Variants in HCFC1 observed in about 807,000 individuals in gnomAD.
The protein encoded by HCFC1 is host cell factor C1.
A neutral mutation model predicts 105.5 loss-of-function variants in HCFC1; 7 were observed. That is an observed-to-expected ratio of 0.07 (90% confidence interval 0.04 to 0.12). HCFC1 has a LOEUF of 0.12. Among genes scored for constraint, HCFC1 ranks in the 10% least tolerant of loss-of-function variants. HCFC1 has a pLI of 1.00. For synonymous variants in HCFC1, 918 were observed against 828.1 expected (o/e 1.11, Z -1.86); for missense variants, 1,065 against 1,823.6 (o/e 0.58, Z 7.58).
chrX:153,951,952 G>A lies in HCFC1; in HGVS notation c.5149C>T (p.Leu1717=). 8.4e-7 allele frequency: 1 copy of A among 1,186,615 alleles called. No individual in the cohort carries two copies. Among genetic ancestry groups the A allele is most frequent in the East Asian group, 3.0e-5 (1 of 33,562 alleles). Residue 1717 remains leucine, a synonymous_variant, in exon 20 of 26, where the codon CTG becomes TTG. Transcript: ENST00000310441. ...QQHHHLPTEA[L]APADSLNDPA... ...TCGTTGAGACTGTCGGCAGGGGCCA[G>A]GGCCTCAGTGGGGAGGTGGTGATGC...
chrX:153,964,903 C>T (rs1557117970), intron 1 of HCFC1, among the ~76,000 whole-genome samples, 177 bp from the exon 2 acceptor site: 1 of 112,256 alleles, frequency 8.9e-6, no homozygotes, highest in African/African-American at 3.2e-5. Context: ...CGACTTCAGG[C>T]CAGTGCAAAA....
Position 153,959,784 on chromosome X carries a change from C to T in HCFC1, c.1444+18G>A, listed in dbSNP as rs782651337. ...GGCTAGCCCCCTACTTTCAAACGTC[C>T]CTGGTCCCCTGGCTCACCTTGAGTC... On this transcript the variant is annotated intron_variant, in intron 8 of 25. Transcript: ENST00000310441. 18 of 1,153,355 alleles carry T rather than the reference C, an allele frequency of 1.6e-5. No individual in the cohort carries two copies. Among genetic ancestry groups the T allele is most frequent in the African/African-American group, 3.6e-5 (2 of 55,322 alleles).
intron 22 of HCFC1, 31 bp downstream of exon 22, chrX:153,951,319 C>A: frequency 8.3e-7 from 1 of 1,207,800 alleles, no homozygotes; most frequent in South Asian, 1.8e-5. Flanking sequence ...GACCCACCCA[C>A]CTGAGGACAT....
intron 19 of HCFC1, 95 bp from the exon 20 acceptor site, chrX:153,952,253 C>A: frequency 9.3e-7 from 1 of 1,071,475 alleles, no homozygotes; most frequent in Non-Finnish European, 1.2e-6. Flanking sequence ...CTAGAGACCC[C>A]GTCCACCTCC....
chrX:153,962,866 A>C (rs782329694), intron 4 of HCFC1, among the ~76,000 whole-genome samples: 9 of 111,986 alleles, frequency 8.0e-5, no homozygotes, highest in Non-Finnish European at 1.7e-4. Context: ...CAATGGTACC[A>C]CAGCAGTCAG....
At chrX:153,962,167 G>A (rs980761697) in intron 5 of HCFC1, 55 bp downstream of exon 5, 55 of 955,298 alleles carry the variant, frequency 5.8e-5, no homozygotes, top group Middle Eastern at 5.2e-4. Flanking sequence ...AGAGCCCTTC[G>A]GGGGAGGGGC....
In HCFC1 at chrX:153,970,924, A is replaced by G; in HGVS notation, c.-84T>C. On this transcript the variant is annotated 5_prime_UTR_variant, in exon 1 of 26. Transcript: ENST00000310441. ...TCCTTTCACACACCCCCTTTCGTCTAAGGCAGCTCTCACGGAGAAGCGGTT... is the reference window on the plus strand; with the variant it reads ...TCCTTTCACACACCCCCTTTCGTCTGAGGCAGCTCTCACGGAGAAGCGGTT... The G allele has an allele frequency of 3.6e-6, 3 of 837,520 alleles. No individual in the cohort carries two copies. The highest frequency in any genetic ancestry group is 4.9e-6 in the Non-Finnish European group (3 of 609,150). 69.0% of individuals were successfully genotyped at this position (837,520 alleles called of 1,213,427 possible). A position where few individuals can be genotyped will look rare whatever the true frequency, so the allele number is the denominator to read the frequency against.
In HCFC1 at chrX:153,952,818, G is replaced by C; in HGVS notation, c.4638C>G (p.Ala1546=). ...GCTCCCCTGTGCTGCTCAGATCCAC[G>C]GCGGCCGGGAGCTCAGGGGTCTGGG... The part of the protein sequence containing the change: ...SASQTPELPA[A]VDLSSTGEPS... Residue 1546 remains alanine (A), a synonymous_variant, in exon 19 of 26, where the codon GCC becomes GCG. Coordinates refer to ENST00000310441, the MANE Select transcript of HCFC1 (RefSeq NM_005334.3). The C allele has an allele frequency of 8.3e-7, 1 of 1,198,151 alleles. No homozygotes were observed. Among genetic ancestry groups the C allele is most frequent in the Non-Finnish European group, 1.1e-6 (1 of 888,685 alleles).
chrX:153,959,670 C>G (rs2065410737), intron 8 of HCFC1, 132 bp downstream of exon 8: 2 of 985,360 alleles, frequency 2.0e-6, no homozygotes, highest in Non-Finnish European at 2.8e-6. Flanking sequence ...CCCTACAACC[C>G]TTGGAGACAA....
chrX:153,967,349 GC>G (rs1281384393), intron 1 of HCFC1, among the ~76,000 whole-genome samples: 3 of 111,676 alleles, frequency 2.7e-5, no homozygotes, highest in Non-Finnish European at 5.7e-5. Flanking sequence ...GCAAGGCTGT[GC>G]CCCGGCCTCT....
chrX:153,955,129 G>A lies in HCFC1; in HGVS notation c.3270C>T (p.Thr1090=), dbSNP rs782332238. The change falls in exon 17 of 26, where the codon ACC becomes ACT. Residue 1090 remains threonine, a synonymous_variant. Coordinates refer to ENST00000310441, the MANE Select transcript of HCFC1 (RefSeq NM_005334.3). ...CETHETGTTN[T]ATTATSNMAG... ...CCATGTTGGAGGTGGCGGTGGTGGC[G>A]GTGTTGGTGGTGCCCGTCTCGTGGG... The A allele has an allele frequency of 1.2e-5, 14 of 1,206,798 alleles. No homozygotes were observed. Among genetic ancestry groups the A allele is most frequent in the Admixed American group, 6.6e-5 (3 of 45,551 alleles).
Position 153,953,596 on chromosome X carries a change from T to C in HCFC1, c.4497+11A>G. 8.3e-7 allele frequency: 1 copy of C among 1,204,694 alleles called. No individual in the cohort carries two copies. Among genetic ancestry groups the C allele is most frequent in the Non-Finnish European group, 1.1e-6 (1 of 892,604 alleles). ...GAAGGCGGGGAAGAACACGGCCCCC[T>C]GGGCTCTTACCGGCACAGAGGGGCC... On this transcript the variant is annotated intron_variant, in intron 18 of 25. Transcript: ENST00000310441.
rs2065280414 is a variant in HCFC1, at chrX:153,948,772, G to C, written c.*575C>G. The C allele has an allele frequency of 8.9e-6, 1 of 112,359 alleles. No individual in the cohort carries two copies. The highest frequency in any genetic ancestry group is 3.2e-5 in the African/African-American group (1 of 30,850). The allele number at this position is 112,359 out of a possible 1,213,427, so 9.3% of individuals were successfully genotyped here. The stretch of plus-strand genomic sequence containing the variant: ...TTTAAAATGGGAAAGAAGAGGGGGA[G>C]GGTAGAAGAGGTGGGAGCACAAAGG... On this transcript the variant is annotated 3_prime_UTR_variant, in exon 26 of 26. Transcript: ENST00000310441.
Position 153,956,200 on chromosome X carries a change from G to T in HCFC1, c.2847C>A (p.Ile949=), listed in dbSNP as rs2065375238. 8.3e-7 allele frequency: 1 copy of T among 1,209,487 alleles called. No homozygotes were observed. The highest frequency in any genetic ancestry group is 1.7e-5 in the African/African-American group (1 of 57,590). Residue 949 remains isoleucine (I), a synonymous_variant, in exon 16 of 26, where the codon ATC becomes ATA. Coordinates refer to ENST00000310441, the MANE Select transcript of HCFC1 (RefSeq NM_005334.3). ...TCAGGCCCTGCCCTACCTGCATGGT[G>T]ATGGTTGGGGTTGTGAGCCCGCCTG... ...TAAGGLTTPT[I]TMQPVSQPTQ... is the part of the protein sequence containing the mutation.
Position 153,957,906 on chromosome X carries a change from G to A in HCFC1, c.2029-20C>T. 3.4e-6 allele frequency: 4 copies of A among 1,172,967 alleles called. No individual in the cohort carries two copies. The highest frequency in any genetic ancestry group is 4.7e-6 in the Non-Finnish European group (4 of 860,014). On this transcript the variant is annotated intron_variant, in intron 11 of 25. Transcript: ENST00000310441. ...GGAAATCTAAAAAGGAAGGGATGGA[G>A]CAAGGAGTGATCTGGAAACCAAACA...
Position 153,952,127 on chromosome X carries a change from T to C in HCFC1, c.4974A>G (p.Ala1658=). The change falls in exon 20 of 26, where the codon GCA becomes GCG. Residue 1658 remains alanine (A), a synonymous_variant. Transcript: ENST00000310441. ...GTGEPMDTSE[A]AATVTQAELG... ...GCTCCGCCTGAGTCACGGTTGCTGC[T>C]GCCTCGGAGGTGTCCATGGGCTCGC... is the stretch of plus-strand genomic sequence containing the variant. 8.8e-7 allele frequency: 1 copy of C among 1,137,404 alleles called. No individual in the cohort carries two copies. The highest frequency in any genetic ancestry group is 2.1e-5 in the South Asian group (1 of 47,567). 93.7% of individuals were successfully genotyped at this position (1,137,404 alleles called of 1,213,427 possible). A position where few individuals can be genotyped will look rare whatever the true frequency, so the allele number is the denominator to read the frequency against.
chrX:153,959,760 G>A (rs1557116194), intron 8 of HCFC1, 42 bp downstream of exon 8: 2 of 1,146,112 alleles, frequency 1.7e-6, no homozygotes, highest in East Asian at 6.0e-5. Context: ...CTCCCCGGAG[G>A]CTAGCCCCCT....
intron 6 of HCFC1, among the ~76,000 whole-genome samples, chrX:153,961,126 C>T (rs782775575): frequency 2.7e-5 from 3 of 112,840 alleles, no homozygotes; most frequent in East Asian, 5.6e-4. Context: ...CTCCAAGATA[C>T]GGCGGATGAG....
rs1292929920 is a variant in HCFC1 at position 153,953,571 on chromosome X, G to A, written c.4497+36C>T. The A allele has an allele frequency of 9.3e-6, 11 of 1,187,950 alleles. No homozygotes were observed. In the Admixed American group the frequency reaches 2.2e-4, roughly 24 times the overall value. ...GTGGAACTGCACGGGCGTAGGCCGG[G>A]AAGGCGGGGAAGAACACGGCCCCCT... On this transcript the variant is annotated intron_variant, in intron 18 of 25. Transcript: ENST00000310441.
Sources: gnomAD v4.1 joint callset for allele counts (sites outside exome capture counted in the v4.1 genomes callset) on GRCh38, gnomAD v4.1.1 for gene constraint, MANE v1.5 for transcripts, NCBI Gene and HGNC (gene_info 2026-07-23, HGNC 2026-07-21) for gene names.